The following SMOX variants were observed in gnomAD, a reference collection of about 807,000 sequenced individuals.
SMOX encodes spermine oxidase, also known as flavin containing amine oxidase.
A neutral mutation model predicts 51.0 loss-of-function variants in SMOX; 22 were observed. The observed-to-expected ratio is 0.43, with a 90% confidence interval of 0.31 to 0.62. The LOEUF is 0.62. Ranked by LOEUF, SMOX falls within the 20% of genes least tolerant of loss-of-function variation. The probability of loss-of-function intolerance (pLI) is 0.10; values close to 1 mark genes in which losing one functional copy is unlikely to be tolerated. For synonymous variants in SMOX, 282 were observed against 307.8 expected (o/e 0.92, Z 0.88); for missense variants, 566 against 777.7 (o/e 0.73, Z 3.24).
At chr20:4,171,411 C>T (rs1220072457) in intron 1 of SMOX, among the ~76,000 whole-genome samples, 1 of 152,228 alleles carries the variant, frequency 6.6e-6, no homozygotes, top group Non-Finnish European at 1.5e-5. Flanking sequence ...TGTTCTCTCT[C>T]TCCCTTTCAG....
At chr20:4,155,699 T>C (rs1268110706) in intron 1 of SMOX, among the ~76,000 whole-genome samples, 1 of 152,142 alleles carries the variant, frequency 6.6e-6, no homozygotes, top group Non-Finnish European at 1.5e-5. Flanking sequence ...CGGGTTGTTT[T>C]GGGGGTCTCC....
In SMOX at chr20:4,157,594, C is replaced by T. The variant is rs1986074200; in HGVS notation, c.-27+8617C>T. Among the ~76,000 whole-genome samples the T allele has an allele frequency of 2.0e-5, 3 of 152,226 alleles. No homozygotes were observed. The South Asian group carries it at 6.2e-4, about 32-fold the overall frequency. On this transcript the variant is annotated intron_variant, in intron 1 of 6. Transcript: ENST00000305958. ...GCAGGGAGGAGGCATCAGGGACTAC[C>T]TTCGTTCACTGGGCTGTGGCAGCCC...
At chr20:4,165,917 G>T (rs1209935111) in intron 1 of SMOX, among the ~76,000 whole-genome samples, 3 of 152,230 alleles carry the variant, frequency 2.0e-5, no homozygotes, top group Non-Finnish European at 4.4e-5. Flanking sequence ...GGGGAAGAAT[G>T]TGGGTTCTGC....
chr20:4,178,656 T>C (rs1175500702), intron 3 of SMOX, among the ~76,000 whole-genome samples: 1 of 151,240 alleles, frequency 6.6e-6, no homozygotes, highest in Non-Finnish European at 1.5e-5. Flanking sequence ...CAAACACCTA[T>C]TGTGCATTTT....
In SMOX at chr20:4,170,198, C is replaced by T. The variant is rs1204296928; in HGVS notation, c.-26-4832C>T. Among the ~76,000 whole-genome samples, 1 of 151,894 alleles carries T rather than the reference C, an allele frequency of 6.6e-6. No homozygotes were observed. The highest frequency in any genetic ancestry group is 2.4e-5 in the African/African-American group (1 of 41,338). ...CTGGCGCAGTTGGGGGTGGAGGTGACATGATTCAGGCTGTGGAGTTGCCAT... is the reference window on the plus strand; with the variant it reads ...CTGGCGCAGTTGGGGGTGGAGGTGATATGATTCAGGCTGTGGAGTTGCCAT... On this transcript the variant is annotated intron_variant, in intron 1 of 6. Coordinates refer to ENST00000305958, the MANE Select transcript of SMOX (RefSeq NM_175839.3). The surrounding 1 kb of genome is among the most constrained non-coding windows in gnomAD (Gnocchi z 4.6).
intron 1 of SMOX, among the ~76,000 whole-genome samples, chr20:4,171,225 G>A (rs1245003961): frequency 6.6e-6 from 1 of 152,110 alleles, no homozygotes; most frequent in Non-Finnish European, 1.5e-5. Flanking sequence ...GGCAGGCACC[G>A]AGTACCATTT....
At position 4,181,410 on chromosome 20, in the gene SMOX, G is replaced by T. The variant is rs550311407; in HGVS notation, c.436-393G>T. ...GGCAGGGGTGGCAGGGAAAGTGCAC[G>T]TATCGTTCTTGGAACAGGTAAATGT... On this transcript the variant is annotated intron_variant, in intron 3 of 6. Transcript: ENST00000305958. The surrounding 1 kb of genome is among the most constrained non-coding windows in gnomAD (Gnocchi z 5.6). Among the ~76,000 whole-genome samples, 4 of 152,336 alleles carry T rather than the reference G, an allele frequency of 2.6e-5. No individual in the cohort carries two copies. In the South Asian group the frequency reaches 6.2e-4, roughly 24 times the overall value.
At chr20:4,163,003 T>C (rs1986404924) in intron 1 of SMOX, among the ~76,000 whole-genome samples, 1 of 152,096 alleles carries the variant, frequency 6.6e-6, no homozygotes, top group Non-Finnish European at 1.5e-5. Context: ...GCAGAGGGCT[T>C]TGGGAGCTGG....
At chr20:4,186,788 A>G (rs1331529796) in intron 6 of SMOX, 1 of 781,046 alleles carries the variant, frequency 1.3e-6, no homozygotes, top group Non-Finnish European at 2.4e-6. Flanking sequence ...TTTCTCTTCC[A>G]AGTGCCCAGA....
chr20:4,174,250 A>G (rs1202849365), intron 1 of SMOX, among the ~76,000 whole-genome samples: 3 of 152,192 alleles, frequency 2.0e-5, no homozygotes. Flanking sequence ...AGAGAGAGAG[A>G]GTGCCAGGGA....
intron 1 of SMOX, among the ~76,000 whole-genome samples, chr20:4,156,941 C>T (rs1365267052): frequency 2.6e-5 from 4 of 152,162 alleles, no homozygotes; most frequent in Non-Finnish European, 5.9e-5. Context: ...TGGGGTTTCA[C>T]CGTGTTGCCC....
chr20:4,158,194 C>T (rs532342754), intron 1 of SMOX, among the ~76,000 whole-genome samples: 15 of 152,308 alleles, frequency 9.8e-5, no homozygotes, highest in African/African-American at 2.4e-4. Flanking sequence ...GCCACAGCGC[C>T]GGTCGGGGTG....
In SMOX at chr20:4,149,473, G is replaced by A. The variant is rs539743189; in HGVS notation, c.-27+496G>A. 6.5e-4 allele frequency among the ~76,000 whole-genome samples: 99 copies of A among 152,168 alleles called. No individual in the cohort carries two copies. The South Asian group carries it at 8.5e-3, about 13-fold the overall frequency. On this transcript the variant is annotated intron_variant, in intron 1 of 6. Coordinates refer to ENST00000305958, the MANE Select transcript of SMOX (RefSeq NM_175839.3). The surrounding 1 kb of genome is among the most constrained non-coding windows in gnomAD (Gnocchi z 6.0). ...TGGCCCGAACGCCAGGAGAGGCTGT[G>A]CTGACTTCCCCCTCTGGGCTCCGGG...
chr20:4,158,790 C>T (rs1986160295), intron 1 of SMOX, among the ~76,000 whole-genome samples: 1 of 151,990 alleles, frequency 6.6e-6, no homozygotes, highest in Non-Finnish European at 1.5e-5. Flanking sequence ...CAACTGCTCC[C>T]CACCCATAAC....
rs986689274 is a variant in SMOX, at chr20:4,170,717, G to T, written c.-26-4313G>T. 1.3e-5 allele frequency among the ~76,000 whole-genome samples: 2 copies of T among 152,134 alleles called. No homozygotes were observed. Among genetic ancestry groups the T allele is most frequent in the Non-Finnish European group, 2.9e-5 (2 of 68,028 alleles). ...GTCTTTGGCAACCCTGCCACAGGACGGGGTTTTTCCTCCCTCTTTTCCTCT... is the reference window on the plus strand; with the variant it reads ...GTCTTTGGCAACCCTGCCACAGGACTGGGTTTTTCCTCCCTCTTTTCCTCT... On this transcript the variant is annotated intron_variant, in intron 1 of 6. Transcript: ENST00000305958. This position sits in a 1 kb window ranked among gnomAD's most constrained non-coding sequence, Gnocchi z 4.6.
chr20:4,181,839 A>T lies in SMOX; in HGVS notation c.472A>T (p.Lys158Ter). 6.2e-7 allele frequency: 1 copy of T among 1,614,104 alleles called. No individual in the cohort carries two copies. Among genetic ancestry groups the T allele is most frequent in the Non-Finnish European group, 8.5e-7 (1 of 1,180,024 alleles). The change falls in exon 4 of 7, where the codon AAA becomes TAA. Residue 158 changes from lysine (K) to a stop codon, truncating the protein, a stop_gained. Coordinates refer to ENST00000305958, the MANE Select transcript of SMOX (RefSeq NM_175839.3). LOFTEE classifies it high-confidence loss of function. The surrounding 1 kb of genome is among the most constrained non-coding windows in gnomAD (Gnocchi z 5.6). ...NLTQEFFRHD[K>*]PVNAESQNSV... The stretch of plus-strand genomic sequence containing the variant: ...GACCCAGGAGTTCTTCCGGCACGAT[A>T]AACCAGTCAATGCTGAAAGTCAAAA...
Position 4,177,610 on chromosome 20 carries a change from G to A in SMOX, c.435+33G>A. On this transcript the variant is annotated intron_variant, in intron 3 of 6. Transcript: ENST00000305958. The surrounding 1 kb of genome is among the most constrained non-coding windows in gnomAD (Gnocchi z 4.3). ...GTGAGCAGAGTAGCTGGGCGTAAGG[G>A]CATGGGGAGACCTGGGAGGTCTGTG... 1 of 1,550,138 alleles carries A rather than the reference G, an allele frequency of 6.5e-7. No homozygotes were observed. The highest frequency in any genetic ancestry group is 8.7e-7 in the Non-Finnish European group (1 of 1,144,900).
intron 1 of SMOX, among the ~76,000 whole-genome samples, chr20:4,154,772 A>G (rs1985924547): frequency 6.9e-6 from 1 of 143,950 alleles, no homozygotes; most frequent in African/African-American, 2.6e-5. Context: ...AGTGCAGTTC[A>G]GGTGGGTGGA....
chr20:4,176,765 C>T (rs986886416), intron 2 of SMOX, among the ~76,000 whole-genome samples: 7 of 152,134 alleles, frequency 4.6e-5, no homozygotes, highest in South Asian at 2.1e-4. Context: ...TGCCCCAGTC[C>T]GGCTCTCAGG....
Sources: gnomAD v4.1 joint callset for allele counts (sites outside exome capture counted in the v4.1 genomes callset) on GRCh38, gnomAD v4.1.1 for gene constraint, Gnocchi (gnomAD v3.1) non-coding constraint, MANE v1.5 for transcripts, NCBI Gene and HGNC (gene_info 2026-07-23, HGNC 2026-07-21) for gene names.